Variants in NUP210L observed in about 807,000 individuals in gnomAD.
NUP210L encodes nuclear pore membrane glycoprotein 210-like.
Under a neutral mutation model 208.5 loss-of-function variants are expected in NUP210L, and 74 were observed. The ratio of observed to expected loss-of-function variants is 0.35; its 90% CI spans 0.29 to 0.43. The LOEUF (loss-of-function observed/expected upper bound fraction) is 0.43, where lower values mean the gene tolerates loss of function less well. Among genes scored for constraint, NUP210L ranks in the 20% least tolerant of loss-of-function variants. NUP210L has a pLI of 1.00. For missense variants in NUP210L, 1,843 were observed against 2,289.4 expected, an observed-to-expected ratio of 0.81 and a Z score of 3.98; for synonymous variants, 780 against 816.9, an observed-to-expected ratio of 0.95 and a Z score of 0.77.
intron 10 of NUP210L, among the ~76,000 whole-genome samples, chr1:154,120,788 C>T (rs546185606): frequency 1.5e-4 from 22 of 149,466 alleles, no homozygotes; most frequent in African/African-American, 5.4e-4. Context: ...CCCAGCTACA[C>T]AGGAGGCTGA....
At chr1:154,040,518 T>C (rs1259490964) in intron 27 of NUP210L, among the ~76,000 whole-genome samples, 3 of 152,174 alleles carry the variant, frequency 2.0e-5, no homozygotes, top group Admixed American at 2.0e-4. Flanking sequence ...CCCAGCAGCA[T>C]AATTACCCCT....
At chr1:154,114,463 C>T (rs1657212948) in intron 12 of NUP210L, among the ~76,000 whole-genome samples, 1 of 152,078 alleles carries the variant, frequency 6.6e-6, no homozygotes, top group Non-Finnish European at 1.5e-5. Context: ...AGTGACTAAC[C>T]ATATGCAAAC....
chr1:154,118,838 A>G lies in NUP210L; in HGVS notation c.1327-30T>C, dbSNP rs780558353. On this transcript the variant is annotated intron_variant, in intron 10 of 39. Coordinates refer to ENST00000368559, the Ensembl canonical transcript of NUP210L. Reference sequence around the variant, plus strand: ...AAGAGCAGGAAAAAAGGAGCAAAATATATTTATAAGGACTATTCTTATAAT... The same window carrying G: ...AAGAGCAGGAAAAAAGGAGCAAAATGTATTTATAAGGACTATTCTTATAAT... The G allele has an allele frequency of 3.6e-6, 5 of 1,402,988 alleles. No homozygotes were observed. The African/African-American group carries it at 4.3e-5, about 12-fold the overall frequency. 86.9% of individuals were successfully genotyped at this position (1,402,988 alleles called of 1,614,324 possible).
chr1:154,015,542 G>GAA (rs1557915281), intron 33 of NUP210L, among the ~76,000 whole-genome samples: 1 of 151,932 alleles, frequency 6.6e-6, no homozygotes, highest in Non-Finnish European at 1.5e-5. Context: ...CCAACATGGT[G>GAA]AAACCCTGTC....
At chr1:153,995,221 C>T (rs747763526) in intron 37 of NUP210L, 41 bp from the exon 38 acceptor site, 2 of 1,339,686 alleles carry the variant, frequency 1.5e-6, no homozygotes, top group South Asian at 2.4e-5. Context: ...TAGTTAATAG[C>T]AACCATGGGC....
At chr1:154,126,449 T>A in exon 10 of NUP210L, 1 of 1,610,202 alleles carries the variant, frequency 6.2e-7, no homozygotes, top group South Asian at 1.1e-5. Context: ...GAAAGTCGTA[T>A]GTAATCCTGA....
intron 16 of NUP210L, among the ~76,000 whole-genome samples, chr1:154,084,188 C>T (rs1261571887): frequency 1.3e-5 from 2 of 150,394 alleles, no homozygotes; most frequent in East Asian, 3.9e-4. Context: ...TACAGGAGCA[C>T]GTTACCATGC....
At chr1:154,130,086 C>T (rs1017421278) in intron 7 of NUP210L, among the ~76,000 whole-genome samples, 1 of 152,068 alleles carries the variant, frequency 6.6e-6, no homozygotes. Flanking sequence ...TGCCTGTAAT[C>T]CCAGCACTTT....
chr1:154,125,372 C>T (rs578072799), intron 10 of NUP210L, among the ~76,000 whole-genome samples: 17 of 151,554 alleles, frequency 1.1e-4, no homozygotes, highest in Non-Finnish European at 2.1e-4. Context: ...ATCGCTTGAA[C>T]CCAGGAAGCA....
At chr1:154,000,697 A>G (rs186097879) in intron 37 of NUP210L, among the ~76,000 whole-genome samples, 159 bp downstream of exon 37, 4 of 152,362 alleles carry the variant, frequency 2.6e-5, no homozygotes, top group East Asian at 3.9e-4. Flanking sequence ...ACAGTGCACA[A>G]TTTAAACTGT....
intron 2 of NUP210L, among the ~76,000 whole-genome samples, chr1:154,152,078 G>A (rs1414513970): frequency 2.2e-4 from 15 of 69,106 alleles, no homozygotes; most frequent in African/African-American, 2.8e-4. Flanking sequence ...CAACAAAAGC[G>A]AAACTCCGTC....
chr1:154,070,634 C>T (rs1654664441), intron 16 of NUP210L, among the ~76,000 whole-genome samples, 169 bp from the exon 17 acceptor site: 1 of 152,100 alleles, frequency 6.6e-6, no homozygotes, highest in Non-Finnish European at 1.5e-5. Flanking sequence ...TATATACATA[C>T]ACTTCACCTG....
At chr1:154,070,397 A>C (rs1280628165) in exon 17 of NUP210L, 1 of 1,613,570 alleles carries the variant, frequency 6.2e-7, no homozygotes, top group Admixed American at 1.7e-5. Context: ...TGAAATTATC[A>C]AACTTTCTCC....
chr1:154,094,239 C>T lies in NUP210L; in HGVS notation c.2187+696G>A, dbSNP rs1440816499. ...CAGAGGTTGCAGTGAGCTGAGATTG[C>T]ACCACTGCACTCTAGCCTGGGCAAC... On this transcript the variant is annotated intron_variant, in intron 15 of 39. Coordinates refer to ENST00000368559, the Ensembl canonical transcript of NUP210L. Among the ~76,000 whole-genome samples, 3 of 151,708 alleles carry T rather than the reference C, an allele frequency of 2.0e-5. No individual in the cohort carries two copies. The East Asian group carries it at 5.8e-4, about 29-fold the overall frequency.
At chr1:154,026,616 G>A (rs1374210349) in intron 29 of NUP210L, among the ~76,000 whole-genome samples, 1 of 152,074 alleles carries the variant, frequency 6.6e-6, no homozygotes, top group African/African-American at 2.4e-5. Context: ...CCAGAGGCCT[G>A]GGATTACAGG....
chr1:154,011,511 C>T (rs1478756507), intron 34 of NUP210L, among the ~76,000 whole-genome samples: 5 of 150,628 alleles, frequency 3.3e-5, no homozygotes, highest in East Asian at 2.0e-4. Flanking sequence ...TGTGAGCCAC[C>T]GCGCCTGGCC....
At chr1:154,046,195 T>G in exon 27 of NUP210L, 1 of 1,614,076 alleles carries the variant, frequency 6.2e-7, no homozygotes, top group East Asian at 2.2e-5. Flanking sequence ...TGACATAAAC[T>G]GGCATCTGAA....
In NUP210L at chr1:153,995,049, CTA is replaced by C. The variant is rs750627476; in HGVS notation, c.5491+25_5491+26del. The C allele has an allele frequency of 1.3e-5, 17 of 1,296,688 alleles. No individual in the cohort carries two copies. In the Admixed American group the frequency reaches 2.7e-4, roughly 21 times the overall value. 80.3% of individuals were successfully genotyped at this position (1,296,688 alleles called of 1,614,324 possible). ...AAAAAGGCAGTTTTCATGTCAAAGT[CTA>C]TGTTATTGAATATAAGGACTCTACC... On this transcript the variant is annotated intron_variant, in intron 38 of 39. Transcript: ENST00000368559.
intron 5 of NUP210L, among the ~76,000 whole-genome samples, 177 bp from the exon 6 acceptor site, chr1:154,138,415 T>C (rs186959405): frequency 1.3e-5 from 2 of 152,324 alleles, no homozygotes; most frequent in Non-Finnish European, 1.5e-5. Context: ...AAAGTGATTA[T>C]GAATCTTAAT....
Sources: gnomAD v4.1 joint callset for allele counts (sites outside exome capture counted in the v4.1 genomes callset) on GRCh38, gnomAD v4.1.1 for gene constraint, MANE v1.5 for transcripts, NCBI Gene and HGNC (gene_info 2026-07-23, HGNC 2026-07-21) for gene names.